ABCF3: variants seen among roughly 807,000 people sequenced by gnomAD.
The protein encoded by ABCF3 is ATP-binding cassette sub-family F member 3.
A neutral mutation model predicts 94.3 loss-of-function variants in ABCF3; 62 were observed. The ratio of observed to expected loss-of-function variants is 0.66; its 90% CI spans 0.54 to 0.81. The LOEUF (loss-of-function observed/expected upper bound fraction) is 0.81, where lower values mean the gene tolerates loss of function less well. Ranked by LOEUF, ABCF3 falls within the 40% of genes least tolerant of loss-of-function variation. ABCF3 has a pLI of 0.00. For missense variants in ABCF3, 843 were observed against 925.3 expected, an observed-to-expected ratio of 0.91 and a Z score of 1.15; for synonymous variants, 355 against 361.1, an observed-to-expected ratio of 0.98 and a Z score of 0.19.
intron 12 of ABCF3, 48 bp downstream of exon 12, chr3:184,189,491 AG>A (rs1715867240): frequency 1.2e-6 from 2 of 1,613,830 alleles, no homozygotes; most frequent in East Asian, 4.5e-5. Flanking sequence ...GCGGCCTCCA[AG>A]ATACCTGGGG....
chr3:184,190,352 G>A (rs1715942218), intron 14 of ABCF3: 1 of 199,032 alleles, frequency 5.0e-6, no homozygotes, highest in Admixed American at 5.3e-5. Context: ...GGGCCATTTG[G>A]GTTGTTTCCA....
Position 184,192,639 on chromosome 3 carries a change from G to A in ABCF3, c.1608G>A (p.Lys536=). 1 of 1,610,964 alleles carries A rather than the reference G, an allele frequency of 6.2e-7. No homozygotes were observed. The highest frequency in any genetic ancestry group is 8.5e-7 in the Non-Finnish European group (1 of 1,179,362). The change falls in exon 17 of 21, where the codon AAG becomes AAA. Residue 536 remains lysine (K), a synonymous_variant. Transcript: ENST00000429586. ...GGGCTGGGAAGTCTACCATGCTGAA[G>A]CTGCTTTTGGGGGACCTGGCACCTG... ...ENGAGKSTML[K]LLLGDLAPVR...
intron 14 of ABCF3, 57 bp from the exon 15 acceptor site, chr3:184,190,942 G>A (rs1024528292): frequency 1.4e-5 from 23 of 1,590,656 alleles, no homozygotes; most frequent in African/African-American, 6.7e-5. Context: ...TATATTACTC[G>A]TGTAGGAAGT....
chr3:184,186,205 A>T lies in ABCF3; in HGVS notation c.-3A>T. 6.2e-7 allele frequency: 1 copy of T among 1,614,160 alleles called. No homozygotes were observed. Among genetic ancestry groups the T allele is most frequent in the Non-Finnish European group, 8.5e-7 (1 of 1,180,050 alleles). On this transcript the variant is annotated 5_prime_UTR_variant, in exon 1 of 21. Coordinates refer to ENST00000429586, the MANE Select transcript of ABCF3 (RefSeq NM_018358.3). ...ACTGCGCGGACGGGTTCCTGAGTGGAACATGGCGACTTGCGCCGAAATCCT... is the reference window on the plus strand; with the variant it reads ...ACTGCGCGGACGGGTTCCTGAGTGGTACATGGCGACTTGCGCCGAAATCCT...
Position 184,193,433 on chromosome 3 carries a change from G to A in ABCF3, c.1952G>A (p.Arg651His), listed in dbSNP as rs150420700. The change falls in exon 20 of 21, where the codon CGT becomes CAT. Residue 651 changes from arginine (R) to histidine (H), a missense_variant. By Grantham distance (29) the Arg-to-His change is conservative. Coordinates refer to ENST00000429586, the MANE Select transcript of ABCF3 (RefSeq NM_018358.3). The surrounding 1 kb of genome is among the most constrained non-coding windows in gnomAD (Gnocchi z 5.2). ...LDMETIEALG[R>H]ALNNFRGGVI... ...ATGGAGACCATTGAGGCTCTGGGCC[G>A]TGCCCTCAACAATTTCAGGGTGAGT... 32 of 1,614,000 alleles carry A rather than the reference G, an allele frequency of 2.0e-5. No homozygotes were observed. The highest frequency in any genetic ancestry group is 1.6e-4 in the East Asian group (7 of 44,880).
chr3:184,186,458 T>C (rs886127530), intron 1 of ABCF3, 49 bp from the exon 2 acceptor site: 1 of 1,585,778 alleles, frequency 6.3e-7, no homozygotes, highest in Non-Finnish European at 8.6e-7. Flanking sequence ...AAACTGCTTG[T>C]GTGTCCACCC....
intron 14 of ABCF3, 123 bp from the exon 15 acceptor site, chr3:184,190,876 A>G: frequency 8.6e-7 from 1 of 1,165,558 alleles, no homozygotes; most frequent in Non-Finnish European, 1.2e-6. Flanking sequence ...ATGGACTCTA[A>G]AGTAATGATA....
chr3:184,187,269 C>CATCT (rs1448311509), intron 3 of ABCF3, 128 bp from the exon 4 acceptor site: 2 of 981,520 alleles, frequency 2.0e-6, no homozygotes, highest in Admixed American at 3.9e-5. Context: ...AGATAATAGC[C>CATCT]ATCTATCTGC....
intron 16 of ABCF3, among the ~76,000 whole-genome samples, chr3:184,191,824 C>T (rs1049219606): frequency 2.7e-5 from 4 of 149,396 alleles, no homozygotes; most frequent in South Asian, 2.1e-4. Context: ...CTTGGCTCAC[C>T]GCAGCTTTCG....
chr3:184,188,095 C>T (rs774590829), intron 6 of ABCF3, 46 bp from the exon 7 acceptor site: 2 of 1,610,358 alleles, frequency 1.2e-6, no homozygotes, highest in Non-Finnish European at 1.7e-6. Context: ...ACTTGCTGTG[C>T]ACCTATTTCT....
chr3:184,193,908 G>A lies in ABCF3; in HGVS notation c.*210G>A. On this transcript the variant is annotated 3_prime_UTR_variant, in exon 21 of 21. Coordinates refer to ENST00000429586, the MANE Select transcript of ABCF3 (RefSeq NM_018358.3). The surrounding 1 kb of genome is among the most constrained non-coding windows in gnomAD (Gnocchi z 5.2). ...GAGGACTGGTCTCCCGGGGGTGGGGGTCTGGGGGGTACCCTCTGGGGTTAT... is the reference window on the plus strand; with the variant it reads ...GAGGACTGGTCTCCCGGGGGTGGGGATCTGGGGGGTACCCTCTGGGGTTAT... 2 of 626,486 alleles carry A rather than the reference G, an allele frequency of 3.2e-6. No homozygotes were observed. The highest frequency in any genetic ancestry group is 2.2e-5 in the South Asian group (1 of 44,712). The allele number at this position is 626,486 out of a possible 1,614,324, so 38.8% of individuals were successfully genotyped here.
rs368055742 is a variant in ABCF3, at chr3:184,186,432, C to T, written c.74-75C>T. ...TTGGGTCTGGAGCCTGGACTGGGGC[C>T]TCTGTCTGGGGTCTGAAACTGCTTG... On this transcript the variant is annotated intron_variant, in intron 1 of 20. Transcript: ENST00000429586. The T allele has an allele frequency of 4.7e-5, 74 of 1,580,942 alleles. 1 individual carries two copies. In the Middle Eastern group the frequency reaches 6.9e-4, roughly 15 times the overall value.
intron 16 of ABCF3, 142 bp from the exon 17 acceptor site, chr3:184,192,459 C>A (rs975683941): frequency 7.4e-6 from 6 of 814,724 alleles, no homozygotes; most frequent in South Asian, 1.8e-5. Flanking sequence ...CTCCTCCCCC[C>A]TTATCCTTCC....
intron 14 of ABCF3, chr3:184,190,135 T>C: frequency 1.7e-6 from 1 of 603,956 alleles, no homozygotes; most frequent in Non-Finnish European, 2.9e-6. Flanking sequence ...TAATTTACTT[T>C]CTGTTTCTGC....
chr3:184,186,598 C>T lies in ABCF3; in HGVS notation c.165C>T (p.Ser55=). 1 of 1,613,906 alleles carries T rather than the reference C, an allele frequency of 6.2e-7. No homozygotes were observed. ...TATTGCAAGAGGTGTCCGGGGACAG[C>T]AAGGATGACGCGGGCATCAGGGCCG... The part of the protein sequence containing the change: ...GELLQEVSGD[S]KDDAGIRAVC... The change falls in exon 2 of 21, where the codon AGC becomes AGT. Residue 55 remains serine, a synonymous_variant. Coordinates refer to ENST00000429586, the MANE Select transcript of ABCF3 (RefSeq NM_018358.3).
Position 184,191,270 on chromosome 3 carries a change from T to A in ABCF3, c.1569+15T>A. ...GCATCTGTGTGGTAAGGCTGCTGTT[T>A]CTCTGTGCTGCGAGCTGGGACTCTC... On this transcript the variant is annotated intron_variant, in intron 16 of 20. Coordinates refer to ENST00000429586, the MANE Select transcript of ABCF3 (RefSeq NM_018358.3). 6.2e-7 allele frequency: 1 copy of A among 1,613,768 alleles called. No homozygotes were observed.
At position 184,191,247 on chromosome 3, in the gene ABCF3, A is replaced by G. The variant is rs1323468116; in HGVS notation, c.1561A>G (p.Ile521Val). 6 of 1,614,068 alleles carry G rather than the reference A, an allele frequency of 3.7e-6. No homozygotes were observed. The South Asian group carries it at 6.6e-5, about 18-fold the overall frequency. The change falls in exon 16 of 21, where the codon ATC becomes GTC. Residue 521 changes from isoleucine (I) to valine (V), a missense_variant. Physicochemically the swap from Ile to Val is conservative, Grantham distance 29. Transcript: ENST00000429586. ...TGTGTCTGCTGATCTCGAGTCTCGC[A>G]TCTGTGTGGTAAGGCTGCTGTTTCT... ...LSVSADLESR[I>V]CVVGENGAGK...
At position 184,187,938 on chromosome 3, in the gene ABCF3, C is replaced by G. The variant is rs766606565; in HGVS notation, c.524C>G (p.Ser175Cys). ...TTGGAATCATCTGGCAAGAACAAAT[C>G]CTATGATGTGCGAATTGAGAACTTT... ...SRLESSGKNK[S>C]YDVRIENFDV... The change falls in exon 6 of 21, where the codon TCC (serine) becomes TGC (cysteine). Residue 175 changes from serine to cysteine, a missense_variant. Ser to Cys is a moderately radical substitution (Grantham distance 112). Coordinates refer to ENST00000429586, the MANE Select transcript of ABCF3 (RefSeq NM_018358.3). 6.2e-7 allele frequency: 1 copy of G among 1,613,762 alleles called. No individual in the cohort carries two copies. The highest frequency in any genetic ancestry group is 1.1e-5 in the South Asian group (1 of 91,080).
At chr3:184,186,952 A>G in intron 3 of ABCF3, 77 bp downstream of exon 3, 1 of 1,441,552 alleles carries the variant, frequency 6.9e-7, no homozygotes, top group Non-Finnish European at 9.5e-7. Context: ...CCTGCAGCTT[A>G]GGGCTCCTAC....
Sources: allele counts gnomAD v4.1 joint callset (sites outside exome capture counted in the v4.1 genomes callset), GRCh38; gene constraint gnomAD v4.1.1; non-coding constraint Gnocchi (gnomAD v3.1); transcripts MANE v1.5; gene names NCBI Gene and HGNC (gene_info 2026-07-23, HGNC 2026-07-21).